CRACD: variants seen among roughly 807,000 people sequenced by gnomAD.
The protein encoded by CRACD is capping protein-inhibiting regulator of actin dynamics.
In CRACD, 56 loss-of-function variants were observed where a neutral mutation model predicts 106.8. The ratio of observed to expected loss-of-function variants is 0.52; its 90% confidence interval spans 0.42 to 0.66. The LOEUF (loss-of-function observed/expected upper bound fraction) is 0.66. Ranked by LOEUF, CRACD falls within the 30% of genes least tolerant of loss-of-function variation. The pLI is 0.00. For missense variants in CRACD, 1,730 were observed against 1,623.2 expected (o/e 1.07, Z -1.13); for synonymous variants, 754 against 670.8 (o/e 1.12, Z -1.92).
chr4:56,270,966 G>A lies in CRACD; in HGVS notation c.-188-1355G>A, dbSNP rs374475316. 3.4e-4 allele frequency among the ~76,000 whole-genome samples: 51 copies of A among 151,834 alleles called. No individual in the cohort carries two copies. In the South Asian group the frequency reaches 0.01, roughly 31 times the overall value. ...CACACACACACAAAGTTAGCCAGGCGTGGTGGCAGGCGCCTGTGATCCCAG... is the reference window on the plus strand; with the variant it reads ...CACACACACACAAAGTTAGCCAGGCATGGTGGCAGGCGCCTGTGATCCCAG... On this transcript the variant is annotated intron_variant, in intron 2 of 10. Coordinates refer to ENST00000682029, the MANE Select transcript of CRACD (RefSeq NM_001393381.1).
At chr4:56,308,423 G>C (rs1160265128) in intron 5 of CRACD, among the ~76,000 whole-genome samples, 1 of 151,458 alleles carries the variant, frequency 6.6e-6, no homozygotes, top group Non-Finnish European at 1.5e-5. Context: ...AGTCCAACCA[G>C]TAGCGAGTCA....
intron 1 of CRACD, among the ~76,000 whole-genome samples, chr4:56,090,169 T>G (rs1335776064): frequency 6.8e-6 from 1 of 147,384 alleles, no homozygotes. Context: ...AAAAAAAAAC[T>G]GGCAGGATCA....
chr4:56,164,496 T>C (rs1466544764), intron 1 of CRACD, among the ~76,000 whole-genome samples: 3 of 152,198 alleles, frequency 2.0e-5, no homozygotes, highest in Non-Finnish European at 4.4e-5. Flanking sequence ...GAGCTACTGA[T>C]ACGTGCAACA....
chr4:56,241,625 G>T (rs529376394), intron 2 of CRACD, among the ~76,000 whole-genome samples: 76 of 152,330 alleles, frequency 5.0e-4, no homozygotes, highest in African/African-American at 1.7e-3. Flanking sequence ...TTGCCCTCCA[G>T]GAGTTCATGG....
intron 2 of CRACD, among the ~76,000 whole-genome samples, chr4:56,181,337 C>T (rs1280760238): frequency 6.6e-6 from 1 of 152,142 alleles, no homozygotes; most frequent in African/African-American, 2.4e-5. Flanking sequence ...TGGGGTGTTC[C>T]AGCCACAGCC....
rs542290357 is a variant in CRACD, at chr4:56,057,066, T to A, written c.-336+7767T>A. Among the ~76,000 whole-genome samples the A allele has an allele frequency of 5.9e-5, 9 of 152,382 alleles. No individual in the cohort carries two copies. The South Asian group carries it at 1.2e-3, about 21-fold the overall frequency. ...AATAAAATATTGTTAAAATTAATGTTACCATTTTTTTACTTTTAAAATGTA... is the reference window on the plus strand; with the variant it reads ...AATAAAATATTGTTAAAATTAATGTAACCATTTTTTTACTTTTAAAATGTA... On this transcript the variant is annotated intron_variant, in intron 1 of 10. Coordinates refer to ENST00000682029, the MANE Select transcript of CRACD (RefSeq NM_001393381.1).
In CRACD at chr4:56,264,886, G is replaced by A. The variant is rs541721161; in HGVS notation, c.-188-7435G>A. On this transcript the variant is annotated intron_variant, in intron 2 of 10. Coordinates refer to ENST00000682029, the MANE Select transcript of CRACD (RefSeq NM_001393381.1). ...ATGGCTTCAGCAGGTCCCTCTGTTC[G>A]GGGTCCCTGACTTCCCGCAACAAAT... Among the ~76,000 whole-genome samples the A allele has an allele frequency of 2.6e-5, 4 of 152,216 alleles. No individual in the cohort carries two copies. The South Asian group carries it at 6.2e-4, about 24-fold the overall frequency.
intron 1 of CRACD, among the ~76,000 whole-genome samples, chr4:56,069,184 G>A (rs987320256): frequency 2.0e-5 from 3 of 152,162 alleles, no homozygotes; most frequent in South Asian, 2.1e-4. Context: ...TTGGCCTCCA[G>A]AACTGTGAGA....
At chr4:56,313,146 G>A (rs1363684475) in intron 6 of CRACD, 51 bp from the exon 7 acceptor site, 1 of 1,525,704 alleles carries the variant, frequency 6.6e-7, no homozygotes, top group African/African-American at 1.4e-5. Flanking sequence ...GCGATTCCCT[G>A]CAGGTTGTCT....
chr4:56,226,151 A>G (rs1443271312), intron 2 of CRACD, among the ~76,000 whole-genome samples: 1 of 152,208 alleles, frequency 6.6e-6, no homozygotes, highest in East Asian at 1.9e-4. Flanking sequence ...GGTTGGAGTC[A>G]TATTCATTAA....
At chr4:56,066,358 T>G (rs892340166) in intron 1 of CRACD, among the ~76,000 whole-genome samples, 23 of 151,688 alleles carry the variant, frequency 1.5e-4, no homozygotes, top group African/African-American at 4.6e-4. Context: ...ACACGAGGAG[T>G]TTTTCATCAT....
intron 6 of CRACD, chr4:56,311,003 C>G: frequency 2.3e-6 from 1 of 437,668 alleles, no homozygotes; most frequent in Non-Finnish European, 4.1e-6. Context: ...GGTAGCTTTC[C>G]TCAAAGGATC....
intron 8 of CRACD, among the ~76,000 whole-genome samples, chr4:56,321,697 A>G (rs1393851855): frequency 1.3e-5 from 2 of 152,212 alleles, no homozygotes; most frequent in African/African-American, 4.8e-5. Flanking sequence ...CTGGTTAACT[A>G]AAGATGAAAC....
intron 1 of CRACD, among the ~76,000 whole-genome samples, chr4:56,094,487 G>A (rs570111537): frequency 5.2e-4 from 76 of 147,208 alleles, no homozygotes; most frequent in African/African-American, 1.1e-3. Flanking sequence ...GGAGTGCAGT[G>A]GTGGGATCTC....
chr4:56,327,681 A>G lies in CRACD; in HGVS notation c.3579A>G (p.Val1193=). Reference sequence around the variant, plus strand: ...ACTCGGCTCCCCCAGCGCCGCTGGTAAAAGAAGTCACCAAGAGGTTTTCCA... The same window carrying G: ...ACTCGGCTCCCCCAGCGCCGCTGGTGAAAGAAGTCACCAAGAGGTTTTCCA... ...ISDSAPPAPL[V]KEVTKRFSTP... The change falls in exon 11 of 11, where the codon GTA becomes GTG. Residue 1193 remains valine, a synonymous_variant. Transcript: ENST00000682029. 1 of 1,614,110 alleles carries G rather than the reference A, an allele frequency of 6.2e-7. No individual in the cohort carries two copies. Among genetic ancestry groups the G allele is most frequent in the Non-Finnish European group, 8.5e-7 (1 of 1,179,998 alleles).
chr4:56,211,216 G>A (rs1377130136), intron 2 of CRACD, among the ~76,000 whole-genome samples: 3 of 152,180 alleles, frequency 2.0e-5, no homozygotes, highest in Non-Finnish European at 2.9e-5. Context: ...TTATGTCAGA[G>A]GCATTTGGAC....
At chr4:56,278,056 A>G (rs1489719169) in intron 3 of CRACD, among the ~76,000 whole-genome samples, 2 of 152,222 alleles carry the variant, frequency 1.3e-5, no homozygotes, top group African/African-American at 4.8e-5. Context: ...TGGAAAACAT[A>G]ATATTGTTAA....
At position 56,269,296 on chromosome 4, in the gene CRACD, T is replaced by G. The variant is rs554683548; in HGVS notation, c.-188-3025T>G. On this transcript the variant is annotated intron_variant, in intron 2 of 10. Coordinates refer to ENST00000682029, the MANE Select transcript of CRACD (RefSeq NM_001393381.1). ...TACTCAGGAGGCTGAGGCATGAGAA[T>G]TGCTTGAACCCGGGAGGTGGAGGTT... 1.8e-3 allele frequency among the ~76,000 whole-genome samples: 270 copies of G among 151,936 alleles called. 4 individuals carry two copies. The highest frequency in any genetic ancestry group is 4.3e-4 in the Non-Finnish European group (29 of 67,978).
At chr4:56,093,721 A>G (rs1733503232) in intron 1 of CRACD, among the ~76,000 whole-genome samples, 1 of 152,246 alleles carries the variant, frequency 6.6e-6, no homozygotes, top group Non-Finnish European at 1.5e-5. Flanking sequence ...AAAAGTGACA[A>G]TATCAGAATC....
Sources: gnomAD v4.1 joint callset for allele counts (sites outside exome capture counted in the v4.1 genomes callset) on GRCh38, gnomAD v4.1.1 for gene constraint, MANE v1.5 for transcripts, NCBI Gene and HGNC (gene_info 2026-07-23, HGNC 2026-07-21) for gene names.